The following FCRL6 variants were observed in gnomAD, a reference collection of about 807,000 sequenced individuals.
The protein encoded by FCRL6 is Fc receptor-like protein 6.
In FCRL6, 50 loss-of-function variants were observed where a neutral mutation model predicts 49.1. That is an observed-to-expected ratio of 1.02 (90% CI 0.81 to 1.29). The LOEUF is 1.29. FCRL6 is among the 50% of genes most tolerant of loss of function. The pLI, the probability that FCRL6 is intolerant of heterozygous loss-of-function variation, is 0.00. For missense variants in FCRL6, 571 were observed against 518.5 expected (o/e 1.10, Z -0.98); for synonymous variants, 213 against 199.6 (o/e 1.07, Z -0.57).
Position 159,815,410 on chromosome 1 carries a change from C to A in FCRL6, c.1148-18C>A. 6.2e-7 allele frequency: 1 copy of A among 1,613,186 alleles called. No homozygotes were observed. The highest frequency in any genetic ancestry group is 8.5e-7 in the Non-Finnish European group (1 of 1,179,322). ...GTGGAGCACAGAGACCTGACCTGAG[C>A]TCATTCTTTCCCCACAGCCAGGTCT... On this transcript the variant is annotated intron_variant, in intron 8 of 9. Coordinates refer to ENST00000368106, the MANE Select transcript of FCRL6 (RefSeq NM_001004310.3).
chr1:159,815,988 A>G lies in FCRL6; in HGVS notation c.*327A>G, dbSNP rs1358575204. The stretch of plus-strand genomic sequence containing the variant: ...ATATACATATATATATGAAATAGTC[A>G]TGTGCCGCATAACAACATTTCAGTC... On this transcript the variant is annotated 3_prime_UTR_variant, in exon 10 of 10. Coordinates refer to ENST00000368106, the MANE Select transcript of FCRL6 (RefSeq NM_001004310.3). 7.1e-6 allele frequency: 2 copies of G among 280,588 alleles called. No individual in the cohort carries two copies. Among genetic ancestry groups the G allele is most frequent in the African/African-American group, 2.1e-5 (1 of 46,580 alleles). 17.4% of individuals were successfully genotyped at this position (280,588 alleles called of 1,614,324 possible). A position where few individuals can be genotyped will look rare whatever the true frequency, so the allele number is the denominator to read the frequency against.
At chr1:159,813,911 A>T (rs557863544) in intron 7 of FCRL6, among the ~76,000 whole-genome samples, 88 of 152,360 alleles carry the variant, frequency 5.8e-4, no homozygotes, top group African/African-American at 2.0e-3. Flanking sequence ...CTTTCATATT[A>T]CAGAGTTAAC....
chr1:159,802,546 A>C, intron 1 of FCRL6, 91 bp downstream of exon 1: 2 of 1,189,574 alleles, frequency 1.7e-6, no homozygotes, highest in Non-Finnish European at 1.2e-6. Context: ...ACCTTTCCCA[A>C]TTCCAGTGGG....
At position 159,805,755 on chromosome 1, in the gene FCRL6, C is replaced by T. The variant is rs544506359; in HGVS notation, c.32-841C>T. On this transcript the variant is annotated intron_variant, in intron 1 of 9. Coordinates refer to ENST00000368106, the MANE Select transcript of FCRL6 (RefSeq NM_001004310.3). ...CATGCTGCCTGATAATGTCTCACAT[C>T]CTTTAATGATTACTCTTTCAGGGGA... 2.0e-5 allele frequency among the ~76,000 whole-genome samples: 3 copies of T among 152,350 alleles called. No homozygotes were observed. In the East Asian group the frequency reaches 5.8e-4, roughly 29 times the overall value.
At chr1:159,807,639 T>G (rs1414103122) in intron 2 of FCRL6, among the ~76,000 whole-genome samples, 2 of 152,112 alleles carry the variant, frequency 1.3e-5, no homozygotes, top group Non-Finnish European at 2.9e-5. Flanking sequence ...GGGAGAGAAC[T>G]CAGGCTGTGG....
chr1:159,807,578 G>A (rs1662776680), intron 2 of FCRL6, among the ~76,000 whole-genome samples: 1 of 152,236 alleles, frequency 6.6e-6, no homozygotes, highest in South Asian at 2.1e-4. Context: ...ACGCCCTGCT[G>A]AGGGTAGAGA....
chr1:159,816,138 G>A lies in FCRL6; in HGVS notation c.*477G>A, dbSNP rs1571118970. ...ACAACACATTTCTCACGCGTTTGTG[G>A]TGATGCTGGTACAAACAAGCTACAG... On this transcript the variant is annotated 3_prime_UTR_variant, in exon 10 of 10. Transcript: ENST00000368106. 1 of 175,168 alleles carries A rather than the reference G, an allele frequency of 5.7e-6. No homozygotes were observed. Among genetic ancestry groups the A allele is most frequent in the Admixed American group, 5.4e-5 (1 of 18,576 alleles). The allele number at this position is 175,168 out of a possible 1,614,324, so 10.9% of individuals were successfully genotyped here.
At chr1:159,808,485 G>T (rs770158995) in intron 3 of FCRL6, 41 bp downstream of exon 3, 20 of 1,612,482 alleles carry the variant, frequency 1.2e-5, no homozygotes, top group East Asian at 4.5e-5. Flanking sequence ...AGGAGGTGCT[G>T]CTCAAGGGTC....
chr1:159,814,137 G>C, intron 7 of FCRL6, 84 bp from the exon 8 acceptor site: 1 of 1,278,726 alleles, frequency 7.8e-7, no homozygotes, highest in South Asian at 1.2e-5. Context: ...CCCCTGATGG[G>C]CTTCTCTCCA....
Position 159,809,046 on chromosome 1 carries a change from G to C in FCRL6, c.405G>C (p.Lys135Asn). 6.2e-7 allele frequency: 1 copy of C among 1,614,068 alleles called. No individual in the cohort carries two copies. Among genetic ancestry groups the C allele is most frequent in the Non-Finnish European group, 8.5e-7 (1 of 1,179,970 alleles). Residue 135 changes from lysine (K) to asparagine (N), a missense_variant, in exon 4 of 10, where the codon AAG (lysine) becomes AAC (asparagine). Lys to Asn is a moderately conservative substitution (Grantham distance 94). Transcript: ENST00000368106. Reference sequence around the variant, plus strand: ...TGGTGACCCTGAGATGTCAGACAAAGCTGCACCCCCTGAGGTCAGCCTTGA... The same window carrying C: ...TGGTGACCCTGAGATGTCAGACAAACCTGCACCCCCTGAGGTCAGCCTTGA... ...GSLVTLRCQT[K>N]LHPLRSALRL... is the part of the protein sequence containing the mutation.
At chr1:159,801,021 A>T (rs1393975342), upstream of FCRL6, among the ~76,000 whole-genome samples, 2 of 152,024 alleles carry the variant, frequency 1.3e-5, no homozygotes, top group East Asian at 3.8e-4. Context: ...CCTTCTCAAT[A>T]AAAAAAAGAA....
At chr1:159,805,297 C>T (rs1662603688) in intron 1 of FCRL6, among the ~76,000 whole-genome samples, 1 of 152,108 alleles carries the variant, frequency 6.6e-6, no homozygotes, top group Admixed American at 6.5e-5. Flanking sequence ...AAGATGATAC[C>T]ATGTGACAGA....
chr1:159,813,639 C>A, intron 7 of FCRL6, 85 bp downstream of exon 7: 2 of 1,179,362 alleles, frequency 1.7e-6, no homozygotes, highest in Non-Finnish European at 2.5e-6. Context: ...CTCTCCAGAG[C>A]CCTGTATCTC....
upstream of FCRL6, chr1:159,800,560 G>T (rs878998210): frequency 9.1e-6 from 14 of 1,546,472 alleles, no homozygotes; most frequent in South Asian, 1.2e-4. Context: ...CAACTCAGGA[G>T]ATCTGTTGGA....
chr1:159,804,569 T>C (rs1001441586), intron 1 of FCRL6, among the ~76,000 whole-genome samples: 9 of 152,240 alleles, frequency 5.9e-5, no homozygotes, highest in African/African-American at 1.4e-4. Context: ...TGGGCCCTCA[T>C]TGCAGGAACT....
chr1:159,812,657 T>A (rs951862983), intron 6 of FCRL6, among the ~76,000 whole-genome samples: 1 of 152,226 alleles, frequency 6.6e-6, no homozygotes, highest in African/African-American at 2.4e-5. Context: ...GGAGAATGCT[T>A]AATCACTGGG....
chr1:159,801,009 C>T (rs1662301707), upstream of FCRL6, among the ~76,000 whole-genome samples: 1 of 152,076 alleles, frequency 6.6e-6, no homozygotes, highest in Non-Finnish European at 1.5e-5. Flanking sequence ...CAGAGCAAGA[C>T]TCCTTCTCAA....
rs1195092028 is a variant in FCRL6 at position 159,815,809 on chromosome 1, A to C, written c.*148A>C. On this transcript the variant is annotated 3_prime_UTR_variant, in exon 10 of 10. Coordinates refer to ENST00000368106, the MANE Select transcript of FCRL6 (RefSeq NM_001004310.3). ...CTGAGCCCTTGTCCTGGTCAGGAGC[A>C]CCTGAACCCTGGGTTCTTTTCTTAG... 7.5e-6 allele frequency: 7 copies of C among 933,438 alleles called. No individual in the cohort carries two copies. The highest frequency in any genetic ancestry group is 9.5e-6 in the Non-Finnish European group (6 of 634,052). 57.8% of individuals were successfully genotyped at this position (933,438 alleles called of 1,614,324 possible). A position where few individuals can be genotyped will look rare whatever the true frequency, so the allele number is the denominator to read the frequency against.
chr1:159,804,679 C>T (rs1662563479), intron 1 of FCRL6, among the ~76,000 whole-genome samples: 1 of 152,198 alleles, frequency 6.6e-6, no homozygotes, highest in African/African-American at 2.4e-5. Context: ...CTTGCAGTAC[C>T]ATGGGGAGCA....
Sources: allele counts gnomAD v4.1 joint callset (sites outside exome capture counted in the v4.1 genomes callset), GRCh38; gene constraint gnomAD v4.1.1; transcripts MANE v1.5; gene names NCBI Gene and HGNC (gene_info 2026-07-23, HGNC 2026-07-21).